Variants in RORA observed in about 807,000 individuals in gnomAD.
The protein encoded by RORA is nuclear receptor ROR-alpha.
RORA carries 7 observed loss-of-function variants against 69.5 expected under a neutral mutation model. That is an observed-to-expected ratio of 0.10 (90% CI 0.06 to 0.19). The LOEUF is 0.19. RORA is among the 10% of genes least tolerant of loss of function. The pLI, the probability that RORA is intolerant of heterozygous loss-of-function variation, is 1.00. For missense variants in RORA, 457 were observed against 663.0 expected (o/e 0.69, Z 3.41); for synonymous variants, 261 against 240.8 (o/e 1.08, Z -0.78).
chr15:60,712,502 G>C (rs891664693), intron 1 of RORA, among the ~76,000 whole-genome samples: 2 of 152,184 alleles, frequency 1.3e-5, no homozygotes, highest in African/African-American at 2.4e-5. Context: ...GGGTTTGCAT[G>C]ATGGTTTGGA....
At chr15:61,118,473 A>C (rs1362992857) in intron 1 of RORA, among the ~76,000 whole-genome samples, 2 of 152,226 alleles carry the variant, frequency 1.3e-5, no homozygotes, top group Admixed American at 6.5e-5. Flanking sequence ...AGAGGGTTTT[A>C]AAAAATTCAG....
Position 60,534,617 on chromosome 15 carries a change from G to A in RORA, c.197-2766C>T, listed in dbSNP as rs1026992406. On this transcript the variant is annotated intron_variant, in intron 2 of 10. Coordinates refer to ENST00000335670, the MANE Select transcript of RORA (RefSeq NM_134261.3). The surrounding 1 kb of genome is among the most constrained non-coding windows in gnomAD (Gnocchi z 5.0). ...TCGGTAAGGTGGTAGAAGGGTTTCT[G>A]GATAGCAAGTTGAGGTATTCTGATT... Among the ~76,000 whole-genome samples the A allele has an allele frequency of 6.6e-6, 1 of 152,022 alleles. No individual in the cohort carries two copies. Among genetic ancestry groups the A allele is most frequent in the Admixed American group, 6.5e-5 (1 of 15,268 alleles).
chr15:60,745,567 G>C (rs1163209161), intron 1 of RORA, among the ~76,000 whole-genome samples: 1 of 152,128 alleles, frequency 6.6e-6, no homozygotes, highest in Non-Finnish European at 1.5e-5. Flanking sequence ...CATGGCCAGA[G>C]AGGCCAGGGC....
chr15:60,773,783 C>T (rs894555203), intron 1 of RORA, among the ~76,000 whole-genome samples: 1 of 152,120 alleles, frequency 6.6e-6, no homozygotes. Context: ...AGGTCAGTAT[C>T]GACTCTGGAA....
In RORA at chr15:60,585,899, C is replaced by G. The variant is rs1199986390; in HGVS notation, c.197-54048G>C. On this transcript the variant is annotated intron_variant, in intron 2 of 10. Transcript: ENST00000335670. ...TTCCAATTAAGAAAATAACTACAAC[C>G]TTTGACCTTCCCACTAGCCTGATGG... 2.6e-5 allele frequency among the ~76,000 whole-genome samples: 4 copies of G among 152,154 alleles called. No homozygotes were observed. The East Asian group carries it at 7.7e-4, about 29-fold the overall frequency.
chr15:60,732,778 T>G (rs2071445785), intron 1 of RORA, among the ~76,000 whole-genome samples: 1 of 151,730 alleles, frequency 6.6e-6, no homozygotes, highest in African/African-American at 2.4e-5. Context: ...TAAACATACT[T>G]ACAATCACAC....
rs183547925 is a variant in RORA at position 60,944,034 on chromosome 15, T to G, written c.167-265348A>C. Among the ~76,000 whole-genome samples, 105 of 151,872 alleles carry G rather than the reference T, an allele frequency of 6.9e-4. 1 individual carries two copies. The highest frequency in any genetic ancestry group is 6.8e-3 in the Middle Eastern group (2 of 294). On this transcript the variant is annotated intron_variant, in intron 1 of 10. Coordinates refer to ENST00000335670, the MANE Select transcript of RORA (RefSeq NM_134261.3). ...AAACAAACCATAAAATGGAGGCCTTTTGCCATAGTCAGTCAGTCGTCCATT... is the reference window on the plus strand; with the variant it reads ...AAACAAACCATAAAATGGAGGCCTTGTGCCATAGTCAGTCAGTCGTCCATT...
chr15:60,931,116 C>T (rs1413047469), intron 1 of RORA, among the ~76,000 whole-genome samples: 1 of 152,154 alleles, frequency 6.6e-6, no homozygotes, highest in Non-Finnish European at 1.5e-5. Context: ...GGAAGAACTC[C>T]CTGTCTGTGA....
chr15:60,903,260 AG>A (rs1202487554), intron 1 of RORA, among the ~76,000 whole-genome samples: 1 of 152,194 alleles, frequency 6.6e-6, no homozygotes, highest in Non-Finnish European at 1.5e-5. Context: ...TGGCACATGA[AG>A]CCTGCAAAAC....
rs374208824 is a variant in RORA at position 61,059,961 on chromosome 15, A to G, written c.166+169092T>C. Among the ~76,000 whole-genome samples the G allele has an allele frequency of 2.3e-5, 3 of 128,514 alleles. No individual in the cohort carries two copies. In the Admixed American group the frequency reaches 2.4e-4, roughly 10 times the overall value. 84.3% of individuals were successfully genotyped at this position (128,514 alleles called of 152,430 possible). A position where few individuals can be genotyped will look rare whatever the true frequency, so the allele number is the denominator to read the frequency against. ...AAGAAGAAGAAGAAGAAGAAGAAGA[A>G]GAGGAAGAGGAAGAGGAAGAGGAAG... is the stretch of plus-strand genomic sequence containing the variant. On this transcript the variant is annotated intron_variant, in intron 1 of 10. Transcript: ENST00000335670.
At chr15:60,973,913 A>C (rs1893802090) in intron 1 of RORA, among the ~76,000 whole-genome samples, 1 of 152,218 alleles carries the variant, frequency 6.6e-6, no homozygotes, top group African/African-American at 2.4e-5. Context: ...CAATTAGCTG[A>C]TGGAGGATCA....
intron 1 of RORA, among the ~76,000 whole-genome samples, chr15:61,036,772 T>G (rs1325374625): frequency 6.6e-6 from 1 of 151,650 alleles, no homozygotes; most frequent in African/African-American, 2.4e-5. Flanking sequence ...GAGCAGAGAT[T>G]TCTAAAGTTG....
rs1201218897 is a variant in RORA, at chr15:61,110,537, G to A, written c.166+118516C>T. Among the ~76,000 whole-genome samples the A allele has an allele frequency of 2.0e-5, 3 of 151,850 alleles. No individual in the cohort carries two copies. The South Asian group carries it at 6.2e-4, about 32-fold the overall frequency. On this transcript the variant is annotated intron_variant, in intron 1 of 10. Transcript: ENST00000335670. ...GAGTGTACTCTTATTTTTTTTAAAT[G>A]ATAACTATAAAACAGCCTCAGGCAG... is the stretch of plus-strand genomic sequence containing the variant.
At chr15:60,774,287 C>A (rs1163161312) in intron 1 of RORA, among the ~76,000 whole-genome samples, 1 of 152,156 alleles carries the variant, frequency 6.6e-6, no homozygotes, top group Non-Finnish European at 1.5e-5. Context: ...ATGTCAAGGC[C>A]AGTCATGATA....
chr15:60,504,576 A>G (rs1212706497), intron 6 of RORA, among the ~76,000 whole-genome samples: 1 of 152,154 alleles, frequency 6.6e-6, no homozygotes, highest in Non-Finnish European at 1.5e-5. Flanking sequence ...ACTGGTGGAT[A>G]TGGGAGCCAG....
At position 61,117,831 on chromosome 15, in the gene RORA, G is replaced by A. The variant is rs953198731; in HGVS notation, c.166+111222C>T. ...TTTTGATGCTGTAAAATGCAATAAC[G>A]ATAGACATATTTTAACACAGAAAGA... On this transcript the variant is annotated intron_variant, in intron 1 of 10. Transcript: ENST00000335670. 3.9e-5 allele frequency among the ~76,000 whole-genome samples: 6 copies of A among 152,230 alleles called. No homozygotes were observed. In the East Asian group the frequency reaches 7.7e-4, roughly 20 times the overall value.
At chr15:60,932,927 C>T (rs551546645) in intron 1 of RORA, among the ~76,000 whole-genome samples, 15 of 152,140 alleles carry the variant, frequency 9.9e-5, no homozygotes, top group Admixed American at 2.6e-4. Flanking sequence ...CCCCTCAATC[C>T]CTGAAGAGTG....
intron 1 of RORA, among the ~76,000 whole-genome samples, chr15:60,782,471 T>G (rs1433478208): frequency 6.6e-6 from 1 of 152,214 alleles, no homozygotes; most frequent in Admixed American, 6.5e-5. Flanking sequence ...AAATATGTTC[T>G]CCTTTCACGA....
chr15:60,703,921 A>G (rs866442794), intron 1 of RORA, among the ~76,000 whole-genome samples: 6 of 152,152 alleles, frequency 3.9e-5, no homozygotes, highest in African/African-American at 1.4e-4. Context: ...AAGGACACAT[A>G]CCAAAAATTT....
Sources: gnomAD v4.1 joint callset for allele counts (sites outside exome capture counted in the v4.1 genomes callset) on GRCh38, gnomAD v4.1.1 for gene constraint, Gnocchi (gnomAD v3.1) non-coding constraint, MANE v1.5 for transcripts, NCBI Gene and HGNC (gene_info 2026-07-23, HGNC 2026-07-21) for gene names.